ADCK1: variants seen among roughly 807,000 people sequenced by gnomAD.
ADCK1 encodes the protein aarF domain-containing protein kinase 1.
ADCK1 carries 41 observed loss-of-function variants against 52.3 expected under a neutral mutation model. The ratio of observed to expected loss-of-function variants is 0.78; its 90% CI spans 0.61 to 1.02. The LOEUF (loss-of-function observed/expected upper bound fraction) is 1.02. Among genes scored for constraint, ADCK1 ranks in the 50% least tolerant of loss-of-function variants. The pLI, the probability that ADCK1 is intolerant of heterozygous loss-of-function variation, is 0.00. For synonymous variants in ADCK1, 250 were observed against 274.6 expected (o/e 0.91, Z 0.89); for missense variants, 658 against 679.5 (o/e 0.97, Z 0.35).
chr14:77,882,824 T>C (rs1314219958), intron 4 of ADCK1, among the ~76,000 whole-genome samples: 1 of 152,236 alleles, frequency 6.6e-6, no homozygotes, highest in Non-Finnish European at 1.5e-5. Flanking sequence ...GATAGTCTCT[T>C]ACTCTGCCCT....
chr14:77,829,780 G>A (rs2081801515), intron 3 of ADCK1, among the ~76,000 whole-genome samples: 1 of 151,278 alleles, frequency 6.6e-6, no homozygotes, highest in Non-Finnish European at 1.5e-5. Flanking sequence ...GACCACTGAA[G>A]CATTCATGAG....
intron 5 of ADCK1, among the ~76,000 whole-genome samples, chr14:77,890,830 A>G (rs1297089720): frequency 1.3e-5 from 2 of 152,184 alleles, no homozygotes; most frequent in African/African-American, 2.4e-5. Flanking sequence ...TGGGAGAGTT[A>G]GGGTAGTGGT....
At chr14:77,892,799 C>T (rs983294965) in intron 5 of ADCK1, among the ~76,000 whole-genome samples, 3 of 152,158 alleles carry the variant, frequency 2.0e-5, no homozygotes, top group African/African-American at 7.2e-5. Flanking sequence ...CCTTGAAGGA[C>T]ATGAAGGATG....
At chr14:77,885,664 G>C (rs59532454) in intron 4 of ADCK1, among the ~76,000 whole-genome samples, 1,998 of 152,276 alleles carry the variant, frequency 0.013, 39 homozygotes, top group African/African-American at 0.045. Flanking sequence ...CAGTAGCAGG[G>C]ATAGAGGGAG....
intron 1 of ADCK1, among the ~76,000 whole-genome samples, chr14:77,803,237 A>C (rs1432747097): frequency 6.6e-6 from 1 of 152,114 alleles, no homozygotes; most frequent in Non-Finnish European, 1.5e-5. Context: ...TCATTGGTAT[A>C]ATAGTCTCTC....
intron 3 of ADCK1, among the ~76,000 whole-genome samples, chr14:77,835,836 A>G (rs2081949395): frequency 6.6e-6 from 1 of 152,110 alleles, no homozygotes; most frequent in Non-Finnish European, 1.5e-5. Flanking sequence ...AGGTTTCGCC[A>G]TGTTACCCAG....
At chr14:77,821,614 C>A (rs8017635) in intron 2 of ADCK1, among the ~76,000 whole-genome samples, 1 of 151,942 alleles carries the variant, frequency 6.6e-6, no homozygotes. Context: ...GGCGCGGTGG[C>A]TCATGCCTGT....
chr14:77,889,041 G>A (rs968852775), intron 5 of ADCK1, among the ~76,000 whole-genome samples: 9 of 152,176 alleles, frequency 5.9e-5, no homozygotes, highest in African/African-American at 1.4e-4. Context: ...CACAAGATCC[G>A]ATGGTTTTAT....
chr14:77,876,823 C>G (rs1158104003), intron 4 of ADCK1, among the ~76,000 whole-genome samples: 1 of 152,208 alleles, frequency 6.6e-6, no homozygotes, highest in Non-Finnish European at 1.5e-5. Context: ...TCCATGGAGC[C>G]TGGGTTTACC....
At chr14:77,883,737 G>A (rs1409533729) in intron 4 of ADCK1, among the ~76,000 whole-genome samples, 1 of 152,106 alleles carries the variant, frequency 6.6e-6, no homozygotes, top group Non-Finnish European at 1.5e-5. Flanking sequence ...ACAGGTTTCC[G>A]GTGCCCAGTG....
At chr14:77,865,166 C>T (rs2082636916) in intron 4 of ADCK1, among the ~76,000 whole-genome samples, 1 of 131,670 alleles carries the variant, frequency 7.6e-6, no homozygotes. Context: ...AACAAACAAA[C>T]TGTAAATGTC....
At chr14:77,913,588 A>G (rs2083847584) in intron 7 of ADCK1, among the ~76,000 whole-genome samples, 1 of 152,206 alleles carries the variant, frequency 6.6e-6, no homozygotes, top group South Asian at 2.1e-4. Flanking sequence ...TCCCCAAGCC[A>G]CAGAACAACT....
chr14:77,930,926 A>G (rs559712258), intron 9 of ADCK1, among the ~76,000 whole-genome samples: 1 of 152,130 alleles, frequency 6.6e-6, no homozygotes, highest in East Asian at 1.9e-4. Flanking sequence ...CCCCAAACTT[A>G]AAGACCAGGT....
chr14:77,863,741 G>A (rs2082602703), intron 4 of ADCK1, among the ~76,000 whole-genome samples: 1 of 152,090 alleles, frequency 6.6e-6, no homozygotes, highest in African/African-American at 2.4e-5. Flanking sequence ...GAAGGCTGTG[G>A]CAGGAGAATC....
intron 7 of ADCK1, among the ~76,000 whole-genome samples, chr14:77,913,237 C>T (rs1443942892): frequency 1.3e-5 from 2 of 152,240 alleles, no homozygotes; most frequent in African/African-American, 4.8e-5. Flanking sequence ...GCGGTTCAGA[C>T]ACTCACTGAA....
intron 3 of ADCK1, among the ~76,000 whole-genome samples, chr14:77,844,245 G>A (rs565040426): frequency 1.1e-3 from 169 of 152,046 alleles, no homozygotes; most frequent in African/African-American, 3.9e-3. Context: ...CATGCCCGGT[G>A]AATTATTTTT....
intron 10 of ADCK1, 55 bp downstream of exon 10, chr14:77,931,766 G>T (rs952105894): frequency 3.4e-5 from 52 of 1,552,122 alleles, no homozygotes; most frequent in Non-Finnish European, 4.3e-5. Flanking sequence ...CTGCCCCAGG[G>T]GTCCTGCTTT....
At chr14:77,860,136 C>G (rs904422237) in intron 4 of ADCK1, among the ~76,000 whole-genome samples, 1 of 152,162 alleles carries the variant, frequency 6.6e-6, no homozygotes, top group Admixed American at 6.5e-5. Flanking sequence ...CTCCCTTGAC[C>G]GATCTTATCC....
At chr14:77,876,093 A>T (rs1329504934) in intron 4 of ADCK1, among the ~76,000 whole-genome samples, 4 of 152,200 alleles carry the variant, frequency 2.6e-5, no homozygotes, top group Non-Finnish European at 5.9e-5. Flanking sequence ...AAATTACCAC[A>T]CATTGCATGG....
Sources: allele counts gnomAD v4.1 joint callset (sites outside exome capture counted in the v4.1 genomes callset), GRCh38; gene constraint gnomAD v4.1.1; transcripts MANE v1.5; gene names NCBI Gene and HGNC (gene_info 2026-07-23, HGNC 2026-07-21).